Variants in TP73 observed in about 807,000 individuals in gnomAD.
TP73 encodes p53-like transcription factor.
In TP73, 25 loss-of-function variants were observed where a neutral mutation model predicts 62.5. The ratio of observed to expected loss-of-function variants is 0.40; its 90% confidence interval spans 0.29 to 0.56. The LOEUF (loss-of-function observed/expected upper bound fraction) is 0.56, where lower values mean the gene tolerates loss of function less well. TP73 is among the 20% of genes least tolerant of loss of function. The probability of loss-of-function intolerance (pLI) is 0.46; values close to 1 mark genes in which losing one functional copy is unlikely to be tolerated. For missense variants in TP73, 754 were observed against 913.3 expected, an observed-to-expected ratio of 0.83 and a Z score of 2.25; for synonymous variants, 423 against 377.5, an observed-to-expected ratio of 1.12 and a Z score of -1.40.
chr1:3,684,744 G>C (rs1035515585), intron 3 of TP73, among the ~76,000 whole-genome samples: 1 of 152,080 alleles, frequency 6.6e-6, no homozygotes, highest in African/African-American at 2.4e-5. Flanking sequence ...GGGTTCGACC[G>C]CCTGCCCCTG....
intron 3 of TP73, among the ~76,000 whole-genome samples, chr1:3,706,400 C>T (rs563427976): frequency 2.1e-5 from 3 of 140,668 alleles, no homozygotes; most frequent in Admixed American, 7.0e-5. Context: ...GGGACAATCA[C>T]GGTGCCCGCC....
chr1:3,714,415 C>G (rs1640418361), intron 4 of TP73: 1 of 152,308 alleles, frequency 6.6e-6, no homozygotes, highest in Admixed American at 6.5e-5. Context: ...TGGGTTAATC[C>G]TGGCTTCTCC....
At chr1:3,668,473 A>G (rs1341722091) in intron 1 of TP73, among the ~76,000 whole-genome samples, 2 of 151,676 alleles carry the variant, frequency 1.3e-5, no homozygotes, top group African/African-American at 4.9e-5. Context: ...AGAATTTGAT[A>G]TTATGGCTGC....
Position 3,662,343 on chromosome 1 carries a change from C to G in TP73, c.-34+9702C>G, listed in dbSNP as rs980887480. ...TAATGATATGTCCACGAATGGGAGT[C>G]CCACACGGAGATGAAACTGGGGGAA... is the stretch of plus-strand genomic sequence containing the variant. On this transcript the variant is annotated intron_variant, in intron 1 of 13. Coordinates refer to ENST00000378295, the MANE Select transcript of TP73 (RefSeq NM_005427.4). The surrounding 1 kb of genome is among the most constrained non-coding windows in gnomAD (Gnocchi z 4.4). 4 of 152,252 alleles carry G rather than the reference C, an allele frequency of 2.6e-5. No individual in the cohort carries two copies. The highest frequency in any genetic ancestry group is 4.4e-5 in the Non-Finnish European group (3 of 68,068). 9.4% of individuals were successfully genotyped at this position (152,252 alleles called of 1,614,324 possible). A position where few individuals can be genotyped will look rare whatever the true frequency, so the allele number is the denominator to read the frequency against.
At chr1:3,721,546 G>A (rs964874627) in intron 4 of TP73, among the ~76,000 whole-genome samples, 3 of 152,232 alleles carry the variant, frequency 2.0e-5, no homozygotes, top group African/African-American at 7.2e-5. Context: ...TTAACCACTT[G>A]CTCTGTGCAA....
At chr1:3,711,743 C>G (rs756102049) in intron 4 of TP73, among the ~76,000 whole-genome samples, 10 of 152,244 alleles carry the variant, frequency 6.6e-5, no homozygotes, top group Non-Finnish European at 1.0e-4. Context: ...CGATGGCCAG[C>G]TGCCCCAGCA....
chr1:3,702,667 C>A (rs558138923), intron 3 of TP73, among the ~76,000 whole-genome samples: 1 of 152,334 alleles, frequency 6.6e-6, no homozygotes, highest in South Asian at 2.1e-4. Context: ...GCGTCCGCGG[C>A]CTGGAGGCTG....
rs778294154 is a variant in TP73, at chr1:3,682,438, C to A, written c.65+8C>A. 2.6e-6 allele frequency: 4 copies of A among 1,510,948 alleles called. No individual in the cohort carries two copies. Among genetic ancestry groups the A allele is most frequent in the Non-Finnish European group, 3.6e-6 (4 of 1,117,282 alleles). 93.6% of individuals were successfully genotyped at this position (1,510,948 alleles called of 1,614,324 possible). A position where few individuals can be genotyped will look rare whatever the true frequency, so the allele number is the denominator to read the frequency against. On this transcript the variant is annotated splice_region_variant and intron_variant, in intron 2 of 13. Coordinates refer to ENST00000378295, the MANE Select transcript of TP73 (RefSeq NM_005427.4). ...GCACCTCTGGAGCTCTCTGTGAGTG[C>A]GCTTGGCTGGCCAGAGCTGGGGGCC...
intron 3 of TP73, chr1:3,698,218 C>G (rs940208607): frequency 5.2e-6 from 4 of 774,344 alleles, no homozygotes; most frequent in Non-Finnish European, 6.3e-6. Flanking sequence ...AGGGCTGACA[C>G]CTGGGTTGGG....
Position 3,696,061 on chromosome 1 carries a change from C to T in TP73, c.187-11488C>T, listed in dbSNP as rs756389911. Among the ~76,000 whole-genome samples, 1 of 152,306 alleles carries T rather than the reference C, an allele frequency of 6.6e-6. No individual in the cohort carries two copies. Among genetic ancestry groups the T allele is most frequent in the Non-Finnish European group, 1.5e-5 (1 of 68,026 alleles). ...AGCCATTGCATAGCTGAGAAGGAGCCGCATGCAGGGAGGAGGACGACGAGC... is the reference window on the plus strand; with the variant it reads ...AGCCATTGCATAGCTGAGAAGGAGCTGCATGCAGGGAGGAGGACGACGAGC... On this transcript the variant is annotated intron_variant, in intron 3 of 13. Transcript: ENST00000378295. The surrounding 1 kb of genome is among the most constrained non-coding windows in gnomAD (Gnocchi z 4.1).
chr1:3,689,138 TCATCCCCAGGG>T (rs1645741772), intron 3 of TP73, among the ~76,000 whole-genome samples: 1 of 152,036 alleles, frequency 6.6e-6, no homozygotes, highest in African/African-American at 2.4e-5. Context: ...GAAGGCACCC[TCATCCCCAGGG>T]CATCCCCGAT....
At chr1:3,682,725 G>A (rs564448447) in intron 2 of TP73, among the ~76,000 whole-genome samples, 4 of 152,336 alleles carry the variant, frequency 2.6e-5, no homozygotes, top group African/African-American at 9.6e-5. Context: ...GACAGGGCGG[G>A]TCGGAGGGGC....
chr1:3,685,246 G>A (rs1356421876), intron 3 of TP73, among the ~76,000 whole-genome samples: 2 of 152,168 alleles, frequency 1.3e-5, no homozygotes, highest in Non-Finnish European at 2.9e-5. Context: ...TGGGTGGAGC[G>A]TGCTTGTCCT....
rs1491003835 is a variant in TP73, at chr1:3,662,837, G to A, written c.-34+10196G>A. Among the ~76,000 whole-genome samples the A allele has an allele frequency of 6.6e-6, 1 of 152,182 alleles. No homozygotes were observed. Among genetic ancestry groups the A allele is most frequent in the African/African-American group, 2.4e-5 (1 of 41,438 alleles). The stretch of plus-strand genomic sequence containing the variant: ...CCAGGCCCCAGGACAGACCTGGCTG[G>A]GGAGCGCAGGGAGGGGTCCCCAGTG... On this transcript the variant is annotated intron_variant, in intron 1 of 13. Coordinates refer to ENST00000378295, the MANE Select transcript of TP73 (RefSeq NM_005427.4). This position sits in a 1 kb window ranked among gnomAD's most constrained non-coding sequence, Gnocchi z 4.4.
chr1:3,728,565 C>T (rs536429589), intron 9 of TP73, among the ~76,000 whole-genome samples: 46 of 152,368 alleles, frequency 3.0e-4, no homozygotes, highest in African/African-American at 8.4e-4. Flanking sequence ...CCCGTGGCCA[C>T]GGCCAGCCCC....
intron 1 of TP73, among the ~76,000 whole-genome samples, chr1:3,667,840 C>T (rs1645156029): frequency 6.6e-6 from 1 of 152,294 alleles, no homozygotes; most frequent in East Asian, 1.9e-4. Flanking sequence ...GACCACCCAG[C>T]TTAAAATAGG....
intron 1 of TP73, among the ~76,000 whole-genome samples, chr1:3,682,047 G>A (rs746616043): frequency 8.3e-4 from 127 of 152,346 alleles, no homozygotes; most frequent in Non-Finnish European, 1.6e-3. Flanking sequence ...CTTCCAAGGC[G>A]ACGGCTCTGA....
chr1:3,676,059 G>T (rs1645358619), intron 1 of TP73, among the ~76,000 whole-genome samples: 1 of 151,720 alleles, frequency 6.6e-6, no homozygotes, highest in African/African-American at 2.4e-5. Flanking sequence ...TGGGGACAGG[G>T]GACAAGGAGG....
At chr1:3,723,216 CGGGGCTGGGTACCTCTCTGCACCTGACAT>C (rs1641241955) in intron 5 of TP73, 109 bp from the exon 6 acceptor site, 2 of 665,604 alleles carry the variant, frequency 3.0e-6, no homozygotes, top group Non-Finnish European at 2.7e-6. Context: ...GAACCTGGCA[CGGGGCTGGGTACCTCTCTGCACCTGACAT>C]GGGGCTGGGC....
Sources: allele counts gnomAD v4.1 joint callset (sites outside exome capture counted in the v4.1 genomes callset), GRCh38; gene constraint gnomAD v4.1.1; non-coding constraint Gnocchi (gnomAD v3.1); transcripts MANE v1.5; gene names NCBI Gene and HGNC (gene_info 2026-07-23, HGNC 2026-07-21).